HERC3: variants seen among roughly 807,000 people sequenced by gnomAD.
HERC3 encodes HECT and RLD domain containing E3 ubiquitin protein ligase 3.
Under a neutral mutation model 129.9 loss-of-function variants are expected in HERC3, and 58 were observed. That is an observed-to-expected ratio of 0.45 (90% CI 0.36 to 0.56). The LOEUF is 0.56. HERC3 is among the 20% of genes least tolerant of loss of function. The pLI is 0.00. For missense variants in HERC3, 835 were observed against 1,244.2 expected, an observed-to-expected ratio of 0.67 and a Z score of 4.95; for synonymous variants, 430 against 451.0, an observed-to-expected ratio of 0.95 and a Z score of 0.59.
the HERC3 span, among the ~76,000 whole-genome samples, chr4:88,568,108 T>C: frequency 2.0e-5 from 3 of 152,254 alleles, no homozygotes; most frequent in Non-Finnish European, 4.4e-5. Context: ...AGATTCTTGT[T>C]CTCTTCCCTT....
intron 23 of HERC3, among the ~76,000 whole-genome samples, chr4:88,689,691 C>A (rs1733867751): frequency 6.6e-6 from 1 of 151,858 alleles, no homozygotes. Flanking sequence ...GATTCTTCTG[C>A]CTCGGCCTCC....
chr4:88,586,086 T>C, the HERC3 span, among the ~76,000 whole-genome samples: 1 of 152,194 alleles, frequency 6.6e-6, no homozygotes, highest in Non-Finnish European at 1.5e-5. Context: ...ACTGATATAA[T>C]CAAGGGTGAG....
At chr4:88,701,123 G>T (rs1191281091) in intron 23 of HERC3, among the ~76,000 whole-genome samples, 1 of 152,188 alleles carries the variant, frequency 6.6e-6, no homozygotes, top group Non-Finnish European at 1.5e-5. Context: ...TTGGGTAATT[G>T]TATCAGAAAA....
chr4:88,555,864 G>A, the HERC3 span, among the ~76,000 whole-genome samples: 1 of 152,152 alleles, frequency 6.6e-6, no homozygotes, highest in Admixed American at 6.6e-5. Context: ...TGAAATTGGT[G>A]ACCTGTTAAG....
chr4:88,697,815 G>T, intron 23 of HERC3: 1 of 1,512,208 alleles, frequency 6.6e-7, no homozygotes, highest in Non-Finnish European at 8.8e-7. Context: ...ACCCGAGCTG[G>T]TCCAGAGAGA....
intron 3 of HERC3, among the ~76,000 whole-genome samples, chr4:88,621,082 T>C (rs1056039835): frequency 6.6e-6 from 1 of 152,136 alleles, no homozygotes; most frequent in African/African-American, 2.4e-5. Context: ...CCTAGAACAT[T>C]GTGTGGCACA....
intron 22 of HERC3, 97 bp downstream of exon 22, chr4:88,686,899 AG>A: frequency 4.2e-6 from 4 of 944,788 alleles, no homozygotes; most frequent in Non-Finnish European, 6.7e-6. Context: ...CATAGAAAAA[AG>A]TCAGAGACTT....
intron 3 of HERC3, among the ~76,000 whole-genome samples, chr4:88,628,209 C>T (rs1726342139): frequency 6.6e-6 from 1 of 152,132 alleles, no homozygotes; most frequent in Non-Finnish European, 1.5e-5. Flanking sequence ...GTTTTTGCTA[C>T]ATGAATTTTT....
chr4:88,701,747 G>T, intron 23 of HERC3, among the ~76,000 whole-genome samples: 1 of 150,932 alleles, frequency 6.6e-6, no homozygotes, highest in African/African-American at 2.4e-5. Context: ...TTATGAATTT[G>T]ATATGTTTTT....
At chr4:88,561,454 C>A in the HERC3 span, among the ~76,000 whole-genome samples, 1 of 152,114 alleles carries the variant, frequency 6.6e-6, no homozygotes, top group African/African-American at 2.4e-5. Context: ...ATAATAATCA[C>A]ATCAGGGTAA....
chr4:88,545,637 G>A, the HERC3 span, among the ~76,000 whole-genome samples: 2 of 151,878 alleles, frequency 1.3e-5, no homozygotes, highest in East Asian at 3.9e-4. Context: ...TGTTGCTCAG[G>A]CTGGTCTCAA....
intron 3 of HERC3, among the ~76,000 whole-genome samples, chr4:88,624,315 G>T (rs1044761347): frequency 4.6e-5 from 7 of 152,180 alleles, no homozygotes; most frequent in African/African-American, 1.7e-4. Flanking sequence ...TATGGTAAGT[G>T]TATGTTCCAT....
chr4:88,690,400 A>G, intron 23 of HERC3: 1 of 985,312 alleles, frequency 1.0e-6, no homozygotes, highest in East Asian at 1.1e-4. Flanking sequence ...GCGTGTGAGT[A>G]CGTATGTAGA....
chr4:88,645,531 G>C (rs1328132913), intron 3 of HERC3, among the ~76,000 whole-genome samples: 1 of 151,894 alleles, frequency 6.6e-6, no homozygotes, highest in Non-Finnish European at 1.5e-5. Flanking sequence ...TATCTGCAGG[G>C]GATGTGTTCC....
chr4:88,531,177 T>A, the HERC3 span, among the ~76,000 whole-genome samples: 4 of 151,300 alleles, frequency 2.6e-5, no homozygotes, highest in East Asian at 1.9e-4. Context: ...TTTTTAAAAA[T>A]TTTTTAAATT....
At chr4:88,658,858 G>C (rs1730191633) in intron 10 of HERC3, among the ~76,000 whole-genome samples, 2 of 152,122 alleles carry the variant, frequency 1.3e-5, no homozygotes, top group South Asian at 2.1e-4. Context: ...TTGAGAACTT[G>C]GTGGGTTTCT....
intron 23 of HERC3, chr4:88,693,422 A>G: frequency 3.1e-6 from 3 of 972,102 alleles, no homozygotes; most frequent in Non-Finnish European, 3.7e-6. Context: ...CCTTAGAAAC[A>G]TGGTGTGTAT....
intron 2 of HERC3, among the ~76,000 whole-genome samples, chr4:88,604,023 C>CTT (rs60127795): frequency 6.9e-6 from 1 of 145,096 alleles, no homozygotes; most frequent in African/African-American, 2.5e-5. Context: ...ATAAAATTTA[C>CTT]TTTTTTTTTT....
chr4:88,703,413 T>A (rs953803538), intron 23 of HERC3, among the ~76,000 whole-genome samples: 1 of 152,214 alleles, frequency 6.6e-6, no homozygotes, highest in African/African-American at 2.4e-5. Flanking sequence ...TGCGATATGG[T>A]TCCCATCATT....
Sources: gnomAD v4.1 joint callset for allele counts (sites outside exome capture counted in the v4.1 genomes callset) on GRCh38, gnomAD v4.1.1 for gene constraint, MANE v1.5 for transcripts, NCBI Gene and HGNC (gene_info 2026-07-23, HGNC 2026-07-21) for gene names.